ASB7: variants seen among roughly 807,000 people sequenced by gnomAD.
ASB7 encodes ankyrin repeat and SOCS box containing 7.
Under a neutral mutation model 32.5 loss-of-function variants are expected in ASB7, and 4 were observed. The ratio of observed to expected loss-of-function variants is 0.12; its 90% CI spans 0.06 to 0.28. The LOEUF is 0.28. Ranked by LOEUF, ASB7 falls within the 10% of genes least tolerant of loss-of-function variation. The probability of loss-of-function intolerance (pLI) is 1.00; values close to 1 mark genes in which losing one functional copy is unlikely to be tolerated. For missense variants in ASB7, 181 were observed against 407.1 expected, an observed-to-expected ratio of 0.44 and a Z score of 4.78; for synonymous variants, 172 against 155.6, an observed-to-expected ratio of 1.11 and a Z score of -0.78.
At chr15:100,645,868 T>C (rs1283135389) in intron 5 of ASB7, 1 of 885,426 alleles carries the variant, frequency 1.1e-6, no homozygotes, top group Non-Finnish European at 1.8e-6. Context: ...GCTGCAGATT[T>C]CTTCAGCATC....
chr15:100,645,580 G>A (rs1373866630), intron 5 of ASB7: 10 of 708,036 alleles, frequency 1.4e-5, no homozygotes, highest in East Asian at 8.4e-5. Context: ...ACAGCTTGAC[G>A]GTGTTATATA....
At chr15:100,625,502 CA>C (rs2039830239) in intron 4 of ASB7, among the ~76,000 whole-genome samples, 1 of 152,026 alleles carries the variant, frequency 6.6e-6, no homozygotes, top group Non-Finnish European at 1.5e-5. Flanking sequence ...ATAAATTTAA[CA>C]AAAGATATGC....
chr15:100,604,069 T>C (rs1018970584), intron 2 of ASB7, among the ~76,000 whole-genome samples: 2 of 152,252 alleles, frequency 1.3e-5, no homozygotes, highest in Non-Finnish European at 2.9e-5. Flanking sequence ...CACAATATCT[T>C]ATTAATCGTT....
At chr15:100,613,935 T>A (rs552287334) in intron 4 of ASB7, among the ~76,000 whole-genome samples, 9 of 152,300 alleles carry the variant, frequency 5.9e-5, no homozygotes, top group African/African-American at 1.9e-4. Flanking sequence ...TTAGTGCTTA[T>A]CCTTCTGGAG....
intron 1 of ASB7, 55 bp from the exon 2 acceptor site, chr15:100,603,160 T>TC (rs959931280): frequency 2.6e-6 from 1 of 390,026 alleles, no homozygotes; most frequent in Non-Finnish European, 4.5e-6. Flanking sequence ...TTTCCTGAGC[T>TC]CCCCCCTCCC....
chr15:100,618,202 C>T (rs1027773719), intron 4 of ASB7, among the ~76,000 whole-genome samples: 2 of 152,086 alleles, frequency 1.3e-5, no homozygotes, highest in South Asian at 4.1e-4. Context: ...CTGCAACCTC[C>T]GCCTCCCAGG....
chr15:100,608,594 C>A (rs1388967424), intron 2 of ASB7, among the ~76,000 whole-genome samples: 2 of 152,116 alleles, frequency 1.3e-5, no homozygotes, highest in African/African-American at 4.8e-5. Context: ...TTTCTGGCAC[C>A]GTGTGATGTT....
chr15:100,606,578 T>A (rs1278306983), intron 2 of ASB7, among the ~76,000 whole-genome samples: 1 of 152,234 alleles, frequency 6.6e-6, no homozygotes, highest in Non-Finnish European at 1.5e-5. Context: ...CAAGAAGTTT[T>A]GGGTTTAACT....
rs1036341061 is a variant in ASB7, at chr15:100,612,491, T to G, written c.211+64T>G. 7 of 1,408,670 alleles carry G rather than the reference T, an allele frequency of 5.0e-6. No individual in the cohort carries two copies. The Admixed American group carries it at 1.0e-4, about 21-fold the overall frequency. The allele number at this position is 1,408,670 out of a possible 1,614,324, so 87.3% of individuals were successfully genotyped here. On this transcript the variant is annotated intron_variant, in intron 4 of 5. Transcript: ENST00000332783. ...AACATAAATGATGTTTAGTTTAAAATGTGTCTATTTGTAATTTTTAATGCT... is the reference window on the plus strand; with the variant it reads ...AACATAAATGATGTTTAGTTTAAAAGGTGTCTATTTGTAATTTTTAATGCT...
chr15:100,611,484 C>CTTTTTTTTTTTTTTTTTT (rs61153969), intron 3 of ASB7, among the ~76,000 whole-genome samples: 3,911 of 76,826 alleles, frequency 0.051, 1,132 homozygotes, highest in South Asian at 0.1. Context: ...TGTTTCGATT[C>CTTTTTTTTTTTTTTTTTT]TTTTTTTTTT....
chr15:100,630,325 A>T, intron 5 of ASB7: 1 of 525,230 alleles, frequency 1.9e-6, no homozygotes, highest in Non-Finnish European at 2.7e-6. Context: ...AAATGAACAA[A>T]GATCTGTGTT....
In ASB7 at chr15:100,640,889, A is replaced by G. The variant is rs1170537636; in HGVS notation, c.818-7434A>G. 2.0e-5 allele frequency among the ~76,000 whole-genome samples: 3 copies of G among 152,230 alleles called. No homozygotes were observed. The East Asian group carries it at 5.8e-4, about 29-fold the overall frequency. ...TTTTATACCAGCCCAATTATTACTA[A>G]TGATGGGCTTCTTTATAAAATGGAA... On this transcript the variant is annotated intron_variant, in intron 5 of 5. Coordinates refer to ENST00000332783, the MANE Select transcript of ASB7 (RefSeq NM_198243.3).
intron 4 of ASB7, among the ~76,000 whole-genome samples, chr15:100,626,931 G>C (rs957669328): frequency 6.6e-6 from 1 of 152,132 alleles, no homozygotes; most frequent in African/African-American, 2.4e-5. Context: ...CTGGGACCCA[G>C]AGTCTGGGAA....
In ASB7 at chr15:100,649,092, T is replaced by C. The variant is rs2040014677; in HGVS notation, c.*630T>C. ...CTGTGCTCTTGTTTTTAACTTATTT[T>C]TTTTTTAACAACTGTAGTACACTAC... On this transcript the variant is annotated 3_prime_UTR_variant, in exon 6 of 6. Coordinates refer to ENST00000332783, the MANE Select transcript of ASB7 (RefSeq NM_198243.3). 6.6e-6 allele frequency: 1 copy of C among 152,662 alleles called. No individual in the cohort carries two copies. The highest frequency in any genetic ancestry group is 2.4e-5 in the African/African-American group (1 of 41,446). The allele number at this position is 152,662 out of a possible 1,614,324, so 9.5% of individuals were successfully genotyped here.
chr15:100,616,317 A>C (rs573671033), intron 4 of ASB7, among the ~76,000 whole-genome samples: 1 of 151,772 alleles, frequency 6.6e-6, no homozygotes, highest in Non-Finnish European at 1.5e-5. Context: ...GTTTTTTCAC[A>C]TTCTTGTTTT....
At chr15:100,626,545 C>T (rs2039838628) in intron 4 of ASB7, among the ~76,000 whole-genome samples, 1 of 152,140 alleles carries the variant, frequency 6.6e-6, no homozygotes. Flanking sequence ...GTTTCATGTG[C>T]ATTTCACATA....
At chr15:100,617,313 T>C (rs1242901961) in intron 4 of ASB7, among the ~76,000 whole-genome samples, 1 of 152,232 alleles carries the variant, frequency 6.6e-6, no homozygotes, top group Non-Finnish European at 1.5e-5. Flanking sequence ...TAGGATGATA[T>C]TCAAAGTTTA....
intron 4 of ASB7, among the ~76,000 whole-genome samples, chr15:100,613,459 A>C (rs903750137): frequency 6.6e-6 from 1 of 152,272 alleles, no homozygotes; most frequent in Admixed American, 6.5e-5. Flanking sequence ...AATGGGAACT[A>C]TGTGCCTGAA....
intron 3 of ASB7, 55 bp downstream of exon 3, chr15:100,609,883 T>A (rs2039679671): frequency 6.6e-6 from 1 of 152,188 alleles, no homozygotes; most frequent in African/African-American, 2.4e-5. Flanking sequence ...AAAGCTCACT[T>A]AACTTTTACT....
Sources: gnomAD v4.1 joint callset for allele counts (sites outside exome capture counted in the v4.1 genomes callset) on GRCh38, gnomAD v4.1.1 for gene constraint, MANE v1.5 for transcripts, NCBI Gene and HGNC (gene_info 2026-07-23, HGNC 2026-07-21) for gene names.